CAMK2D: variants seen among roughly 807,000 people sequenced by gnomAD.
CAMK2D encodes the protein calcium/calmodulin-dependent protein kinase type II subunit delta.
In CAMK2D, 37 loss-of-function variants were observed where a neutral mutation model predicts 84.0. The ratio of observed to expected loss-of-function variants is 0.44; its 90% confidence interval spans 0.34 to 0.58. The LOEUF is 0.58. Among genes scored for constraint, CAMK2D ranks in the 20% least tolerant of loss-of-function variants. The pLI, the probability that CAMK2D is intolerant of heterozygous loss-of-function variation, is 0.02. For synonymous variants in CAMK2D, 202 were observed against 212.5 expected (o/e 0.95, Z 0.43); for missense variants, 448 against 652.5 (o/e 0.69, Z 3.41).
intron 16 of CAMK2D, among the ~76,000 whole-genome samples, chr4:113,478,533 AT>A (rs1005487749): frequency 1.3e-5 from 2 of 152,150 alleles, no homozygotes; most frequent in African/African-American, 4.8e-5. Context: ...TAAATATACA[AT>A]CTCATATGCT....
intron 2 of CAMK2D, among the ~76,000 whole-genome samples, chr4:113,662,882 T>C (rs928509887): frequency 1.5e-4 from 23 of 152,238 alleles, no homozygotes; most frequent in Non-Finnish European, 2.4e-4. Context: ...AAACCACTCG[T>C]CTGTGCTATA....
chr4:113,481,139 G>A (rs922506622), intron 16 of CAMK2D, among the ~76,000 whole-genome samples: 1 of 152,152 alleles, frequency 6.6e-6, no homozygotes, highest in Non-Finnish European at 1.5e-5. Flanking sequence ...GTAATTATAT[G>A]TACAAAAACC....
At chr4:113,517,214 G>T (rs1320397415) in intron 9 of CAMK2D, among the ~76,000 whole-genome samples, 3 of 152,024 alleles carry the variant, frequency 2.0e-5, no homozygotes, top group Non-Finnish European at 4.4e-5. Context: ...AAAATTATGT[G>T]ATAGATATTT....
chr4:113,636,446 A>C (rs535364447), intron 3 of CAMK2D, among the ~76,000 whole-genome samples: 4 of 152,258 alleles, frequency 2.6e-5, no homozygotes, highest in African/African-American at 9.6e-5. Context: ...CTTCAACCAG[A>C]AGTCAGATCA....
rs1019589469 is a variant in CAMK2D, at chr4:113,452,269, G to A, written c.*2276C>T. 2.6e-5 allele frequency: 4 copies of A among 152,036 alleles called. No individual in the cohort carries two copies. The highest frequency in any genetic ancestry group is 9.7e-5 in the African/African-American group (4 of 41,404). The allele number at this position is 152,036 out of a possible 1,614,324, so 9.4% of individuals were successfully genotyped here. A position where few individuals can be genotyped will look rare whatever the true frequency, so the allele number is the denominator to read the frequency against. ...AGAAGAGACCATTGTTTTGCTCACA[G>A]AGAACAATTAACTTGCCATTCTCAC... On this transcript the variant is annotated 3_prime_UTR_variant, in exon 21 of 21. Transcript: ENST00000511664.
At chr4:113,482,152 G>C (rs1050891178) in intron 16 of CAMK2D, among the ~76,000 whole-genome samples, 2 of 152,188 alleles carry the variant, frequency 1.3e-5, no homozygotes, top group East Asian at 3.8e-4. Context: ...TCTATTCTCT[G>C]TTGAGAATAG....
At chr4:113,469,479 A>G (rs12511954) in intron 16 of CAMK2D, among the ~76,000 whole-genome samples, 43,812 of 151,958 alleles carry the variant, frequency 0.29, 7,749 homozygotes, top group African/African-American at 0.48. Flanking sequence ...TAAAGACTCA[A>G]TTTGAGTCCC....
At chr4:113,458,116 A>G (rs2097327130) in intron 18 of CAMK2D, among the ~76,000 whole-genome samples, 1 of 152,204 alleles carries the variant, frequency 6.6e-6, no homozygotes, top group Non-Finnish European at 1.5e-5. Context: ...TTCTCATCTC[A>G]TTCTCTGACT....
chr4:113,561,316 A>G (rs754132345), intron 4 of CAMK2D, among the ~76,000 whole-genome samples: 4 of 152,156 alleles, frequency 2.6e-5, no homozygotes, highest in Non-Finnish European at 5.9e-5. Flanking sequence ...TCTATAAAAA[A>G]TTTAAAAATT....
At chr4:113,687,150 T>G (rs2099362391) in intron 2 of CAMK2D, among the ~76,000 whole-genome samples, 2 of 152,234 alleles carry the variant, frequency 1.3e-5, no homozygotes, top group Admixed American at 1.3e-4. Context: ...ATTATTAACC[T>G]TCTTCTCCCT....
At chr4:113,734,983 C>T (rs949878993) in intron 2 of CAMK2D, among the ~76,000 whole-genome samples, 3 of 149,626 alleles carry the variant, frequency 2.0e-5, no homozygotes, top group African/African-American at 7.3e-5. Flanking sequence ...AATTTATAAT[C>T]ACCAAATGAG....
chr4:113,740,931 T>C (rs1438976140), intron 2 of CAMK2D, among the ~76,000 whole-genome samples: 1 of 152,154 alleles, frequency 6.6e-6, no homozygotes, highest in Non-Finnish European at 1.5e-5. Flanking sequence ...AAATAAACAA[T>C]TAATAAATTT....
In CAMK2D at chr4:113,455,730, C is replaced by T; in HGVS notation, c.*25G>A. The T allele has an allele frequency of 6.3e-7, 1 of 1,579,748 alleles. No homozygotes were observed. On this transcript the variant is annotated 3_prime_UTR_variant, in exon 20 of 21. Transcript: ENST00000511664. ...ACGGAGCAGGATGTTACTTACAAGA[C>T]CCATATGTGAATGGTTTTCAGGCCT...
intron 6 of CAMK2D, among the ~76,000 whole-genome samples, chr4:113,539,099 C>T (rs992775219): frequency 2.6e-5 from 4 of 152,172 alleles, no homozygotes; most frequent in Non-Finnish European, 4.4e-5. Flanking sequence ...ATAGTATCTA[C>T]ACATGTTAAA....
intron 3 of CAMK2D, among the ~76,000 whole-genome samples, chr4:113,627,214 A>G (rs1233970958): frequency 2.6e-5 from 4 of 152,168 alleles, no homozygotes; most frequent in Non-Finnish European, 5.9e-5. Flanking sequence ...TTGCATCTCT[A>G]TATAGAAACG....
intron 3 of CAMK2D, among the ~76,000 whole-genome samples, chr4:113,637,014 C>T (rs533253770): frequency 6.6e-6 from 1 of 152,338 alleles, no homozygotes; most frequent in East Asian, 1.9e-4. Flanking sequence ...CATCTCACTA[C>T]CCCTTAGAGG....
chr4:113,564,123 A>C (rs1023398815), intron 4 of CAMK2D, among the ~76,000 whole-genome samples: 2 of 152,158 alleles, frequency 1.3e-5, no homozygotes, highest in African/African-American at 4.8e-5. Flanking sequence ...AAGCAATTTT[A>C]CTAGGTTCAT....
At chr4:113,474,524 T>G (rs2097582161) in intron 16 of CAMK2D, among the ~76,000 whole-genome samples, 1 of 111,210 alleles carries the variant, frequency 9.0e-6, no homozygotes, top group Non-Finnish European at 1.9e-5. Flanking sequence ...TTTTTTTTTT[T>G]TGGTCATGAA....
At chr4:113,739,492 T>C (rs1206266051) in intron 2 of CAMK2D, among the ~76,000 whole-genome samples, 1 of 152,054 alleles carries the variant, frequency 6.6e-6, no homozygotes, top group African/African-American at 2.4e-5. Flanking sequence ...CTTATAAAAC[T>C]TTCCACTCAA....
Sources: gnomAD v4.1 joint callset for allele counts (sites outside exome capture counted in the v4.1 genomes callset) on GRCh38, gnomAD v4.1.1 for gene constraint, MANE v1.5 for transcripts, NCBI Gene and HGNC (gene_info 2026-07-23, HGNC 2026-07-21) for gene names.